Variants in NRXN1 observed in about 807,000 individuals in gnomAD.
NRXN1 encodes the protein neurexin-1.
NRXN1 carries 39 observed loss-of-function variants against 150.9 expected under a neutral mutation model. The observed-to-expected ratio is 0.26, with a 90% CI of 0.20 to 0.34. The LOEUF is 0.34. Ranked by LOEUF, NRXN1 falls within the 10% of genes least tolerant of loss-of-function variation. The pLI is 1.00. For synonymous variants in NRXN1, 924 were observed against 757.0 expected (o/e 1.22, Z -3.62); for missense variants, 1,815 against 1,949.9 (o/e 0.93, Z 1.30).
At chr2:50,792,131 C>T (rs1706135857) in intron 5 of NRXN1, among the ~76,000 whole-genome samples, 1 of 152,064 alleles carries the variant, frequency 6.6e-6, no homozygotes, top group Admixed American at 6.6e-5. Flanking sequence ...AACTAATTAG[C>T]TTTGCGACTT....
At chr2:50,546,305 T>TAAGCAGTGTTCAGAA (rs2093493035) in intron 9 of NRXN1, among the ~76,000 whole-genome samples, 1 of 152,178 alleles carries the variant, frequency 6.6e-6, no homozygotes, top group East Asian at 1.9e-4. Flanking sequence ...TCAAGTTCGC[T>TAAGCAGTGTTCAGAA]AAGCAGTGTT....
chr2:50,251,085 T>TTATATTGTATTG (rs2067018337), intron 17 of NRXN1, among the ~76,000 whole-genome samples: 1 of 151,842 alleles, frequency 6.6e-6, no homozygotes, highest in Admixed American at 6.6e-5. Context: ...GTATATTGTA[T>TTATATTGTATTG]TACATATGTA....
intron 18 of NRXN1, among the ~76,000 whole-genome samples, chr2:50,153,944 G>A (rs2058854843): frequency 6.6e-6 from 1 of 151,692 alleles, no homozygotes; most frequent in Non-Finnish European, 1.5e-5. Context: ...CTGCATGCAA[G>A]CCTAACACAG....
At chr2:50,637,707 C>G (rs1213490681) in intron 5 of NRXN1, 7 of 152,168 alleles carry the variant, frequency 4.6e-5, no homozygotes, top group African/African-American at 1.7e-4. Context: ...ACTTGGATAG[C>G]TCTACTTGTG....
At chr2:50,060,583 T>G (rs971686877) in intron 19 of NRXN1, among the ~76,000 whole-genome samples, 8 of 152,154 alleles carry the variant, frequency 5.3e-5, no homozygotes, top group Non-Finnish European at 7.3e-5. Flanking sequence ...GGTTTGGCTG[T>G]GTCCCCACCC....
In NRXN1 at chr2:50,386,730, T is replaced by C. The variant is rs143920828; in HGVS notation, c.3364+78712A>G. Among the ~76,000 whole-genome samples the C allele has an allele frequency of 8.5e-5, 13 of 152,252 alleles. 2 individuals are homozygous for C. The East Asian group carries it at 2.5e-3, about 29-fold the overall frequency. ...ATTGCATCCTGTGGAGACAAACATA[T>C]ACTTCCCAAGAATGAAGTGTGATCT... On this transcript the variant is annotated intron_variant, in intron 17 of 22. Coordinates refer to ENST00000401669, the MANE Select transcript of NRXN1 (RefSeq NM_001330078.2).
chr2:50,943,138 C>T (rs1016714778), intron 2 of NRXN1, among the ~76,000 whole-genome samples: 1 of 152,098 alleles, frequency 6.6e-6, no homozygotes, highest in Admixed American at 6.5e-5. Context: ...GCATGCCCTA[C>T]TTCCCCTGCA....
chr2:50,024,613 A>C (rs2152562527), intron 21 of NRXN1, among the ~76,000 whole-genome samples: 1 of 151,716 alleles, frequency 6.6e-6, no homozygotes, highest in African/African-American at 2.4e-5. Flanking sequence ...TTGTCACCAG[A>C]GTAATTCTTT....
chr2:50,718,093 A>G (rs1251556930), intron 5 of NRXN1, among the ~76,000 whole-genome samples: 1 of 152,192 alleles, frequency 6.6e-6, no homozygotes, highest in East Asian at 1.9e-4. Flanking sequence ...TAACGTCAGC[A>G]ATTACCCGAT....
At chr2:50,102,697 G>T (rs2152712521) in intron 18 of NRXN1, among the ~76,000 whole-genome samples, 1 of 152,202 alleles carries the variant, frequency 6.6e-6, no homozygotes, top group Non-Finnish European at 1.5e-5. Flanking sequence ...TCCTTGAGAA[G>T]CTGAAGATGA....
chr2:50,158,889 T>G (rs1337567666), intron 18 of NRXN1, among the ~76,000 whole-genome samples: 1 of 152,158 alleles, frequency 6.6e-6, no homozygotes, highest in African/African-American at 2.4e-5. Flanking sequence ...GGAGTCCATA[T>G]AGATAGTGAA....
intron 5 of NRXN1, among the ~76,000 whole-genome samples, chr2:50,886,641 T>C (rs1237503978): frequency 1.3e-5 from 2 of 151,430 alleles, no homozygotes; most frequent in Non-Finnish European, 1.5e-5. Context: ...ATTCTATCAA[T>C]AGTCATTTGT....
At chr2:50,628,453 T>C (rs1681591414) in intron 5 of NRXN1, among the ~76,000 whole-genome samples, 1 of 151,666 alleles carries the variant, frequency 6.6e-6, no homozygotes, top group Admixed American at 6.6e-5. Context: ...GCAGGGAAAA[T>C]ATTTCTTCCT....
intron 5 of NRXN1, among the ~76,000 whole-genome samples, chr2:50,755,715 A>T (rs755932654): frequency 2.0e-5 from 3 of 151,866 alleles, no homozygotes; most frequent in Non-Finnish European, 2.9e-5. Flanking sequence ...CTCAAATTGG[A>T]TCACACTTTA....
At chr2:50,643,348 T>G (rs1005966528) in intron 5 of NRXN1, among the ~76,000 whole-genome samples, 4 of 151,964 alleles carry the variant, frequency 2.6e-5, no homozygotes, top group African/African-American at 9.7e-5. Flanking sequence ...AGTTGACACT[T>G]ATAAAATTAT....
intron 17 of NRXN1, among the ~76,000 whole-genome samples, chr2:50,434,158 C>G (rs989948449): frequency 6.8e-6 from 1 of 147,422 alleles, no homozygotes; most frequent in Non-Finnish European, 1.5e-5. Flanking sequence ...CTCCCGGGTT[C>G]GCGCCACTCT....
At chr2:50,204,720 C>T (rs1490600626) in intron 18 of NRXN1, among the ~76,000 whole-genome samples, 1 of 151,960 alleles carries the variant, frequency 6.6e-6, no homozygotes, top group Non-Finnish European at 1.5e-5. Flanking sequence ...TAAATGTTGG[C>T]ATTTGGATTA....
chr2:50,305,523 A>T (rs573782375), intron 17 of NRXN1, among the ~76,000 whole-genome samples: 2 of 152,220 alleles, frequency 1.3e-5, no homozygotes, highest in Non-Finnish European at 2.9e-5. Context: ...TTAAGATTTA[A>T]GTCACAATTT....
chr2:50,347,537 C>T lies in NRXN1; in HGVS notation c.3365-110567G>A, dbSNP rs1055753698. ...CCGGCTCGCCCGCTAGCGCCAGCCT[C>T]CCCCGGGCAGCGCGCGGAGCAGCGG... On this transcript the variant is annotated intron_variant, in intron 17 of 22. Transcript: ENST00000401669. This position sits in a 1 kb window ranked among gnomAD's most constrained non-coding sequence, Gnocchi z 4.9. 1.9e-6 allele frequency: 2 copies of T among 1,044,210 alleles called. No homozygotes were observed. The highest frequency in any genetic ancestry group is 3.5e-5 in the African/African-American group (2 of 57,528). The allele number at this position is 1,044,210 out of a possible 1,614,324, so 64.7% of individuals were successfully genotyped here. A position where few individuals can be genotyped will look rare whatever the true frequency, so the allele number is the denominator to read the frequency against.
Sources: gnomAD v4.1 joint callset for allele counts (sites outside exome capture counted in the v4.1 genomes callset) on GRCh38, gnomAD v4.1.1 for gene constraint, Gnocchi (gnomAD v3.1) non-coding constraint, MANE v1.5 for transcripts, NCBI Gene and HGNC (gene_info 2026-07-23, HGNC 2026-07-21) for gene names.